KRAS: variants seen among roughly 807,000 people sequenced by gnomAD.
KRAS encodes the protein GTPase KRas.
KRAS carries 1 observed loss-of-function variant against 21.0 expected under a neutral mutation model. The observed-to-expected ratio is 0.05, with a 90% CI of 0.02 to 0.23. The LOEUF (loss-of-function observed/expected upper bound fraction) is 0.23. Ranked by LOEUF, KRAS falls within the 10% of genes least tolerant of loss-of-function variation. The pLI, the probability that KRAS is intolerant of heterozygous loss-of-function variation, is 1.00. For synonymous variants in KRAS, 67 were observed against 72.5 expected (o/e 0.92, Z 0.39); for missense variants, 107 against 221.8 (o/e 0.48, Z 3.29).
chr12:25,212,397 A>T (rs948780104), intron 4 of KRAS, among the ~76,000 whole-genome samples: 1 of 152,206 alleles, frequency 6.6e-6, no homozygotes, highest in Non-Finnish European at 1.5e-5. Context: ...CTTATGTTGC[A>T]ATGAACTCTC....
Position 25,208,971 on chromosome 12 carries a change from A to G in KRAS, c.*824T>C, listed in dbSNP as rs61763589. 8.0e-3 allele frequency: 2,594 copies of G among 322,772 alleles called. 57 individuals carry two copies. The highest frequency in any genetic ancestry group is 0.051 in the African/African-American group (2,435 of 47,436). The allele number at this position is 322,772 out of a possible 1,614,324, so 20.0% of individuals were successfully genotyped here. On this transcript the variant is annotated 3_prime_UTR_variant, in exon 5 of 5. Transcript: ENST00000311936. ...GAGACTACATTTAATTCCTATGAGA[A>G]TTTTTTATACTTGTTAAAATCTTTT...
At chr12:25,223,349 A>G (rs1951351430) in intron 4 of KRAS, among the ~76,000 whole-genome samples, 3 of 152,130 alleles carry the variant, frequency 2.0e-5, no homozygotes, top group Admixed American at 2.0e-4. Flanking sequence ...TATTAGAATC[A>G]TGTTTTCTCA....
chr12:25,224,958 C>T (rs1253178795), intron 4 of KRAS: 1 of 152,034 alleles, frequency 6.6e-6, no homozygotes, highest in African/African-American at 2.4e-5. Context: ...TTCATACAAA[C>T]AGGTTAAATA....
At chr12:25,247,715 C>G (rs189534793) in intron 1 of KRAS, among the ~76,000 whole-genome samples, 4 of 152,148 alleles carry the variant, frequency 2.6e-5, no homozygotes, top group African/African-American at 9.7e-5. Flanking sequence ...GTCCTTTACC[C>G]TTTTAACTCC....
chr12:25,218,970 C>T (rs11047899), intron 4 of KRAS, among the ~76,000 whole-genome samples: 74,079 of 148,064 alleles, frequency 0.5, 19,240 homozygotes, highest in East Asian at 0.8. Context: ...GATGGAGTCT[C>T]GCTCTGCCGC....
chr12:25,210,404 C>G (rs1301514894), intron 4 of KRAS, among the ~76,000 whole-genome samples: 1 of 152,016 alleles, frequency 6.6e-6, no homozygotes, highest in Non-Finnish European at 1.5e-5. Context: ...TAAAAATTTA[C>G]CAAGAAGTAA....
At chr12:25,241,013 T>A (rs1341460745) in intron 2 of KRAS, among the ~76,000 whole-genome samples, 1 of 152,132 alleles carries the variant, frequency 6.6e-6, no homozygotes, top group Non-Finnish European at 1.5e-5. Context: ...TTGGACTCCA[T>A]TAAGCAGCTC....
At chr12:25,237,656 T>G (rs1204988297) in intron 2 of KRAS, among the ~76,000 whole-genome samples, 2 of 152,174 alleles carry the variant, frequency 1.3e-5, no homozygotes, top group Non-Finnish European at 2.9e-5. Context: ...AACTACTTTA[T>G]CTCACATCTT....
At chr12:25,215,479 G>C (rs374681135) in intron 4 of KRAS, 1 of 1,611,328 alleles carries the variant, frequency 6.2e-7, no homozygotes. Context: ...ACACAGCCAG[G>C]AGTCTTTTCT....
rs551821343 is a variant in KRAS at position 25,232,541 on chromosome 12, T to C, written c.112-5129A>G. 4.5e-4 allele frequency among the ~76,000 whole-genome samples: 69 copies of C among 152,328 alleles called. No individual in the cohort carries two copies. The South Asian group carries it at 6.8e-3, about 15-fold the overall frequency. ...ATTCTGTAATGAAACTAGTTAATAA[T>C]GGAGCAAAGACAAGGATGAAGGTGT... On this transcript the variant is annotated intron_variant, in intron 2 of 4. Transcript: ENST00000311936.
At chr12:25,244,044 A>G (rs1951645016) in intron 2 of KRAS, among the ~76,000 whole-genome samples, 1 of 152,158 alleles carries the variant, frequency 6.6e-6, no homozygotes, top group Non-Finnish European at 1.5e-5. Context: ...TTTCCTTATG[A>G]TTAGTTATCT....
intron 4 of KRAS, chr12:25,215,604 A>G (rs771380925): frequency 2.0e-6 from 3 of 1,525,554 alleles, no homozygotes; most frequent in East Asian, 4.5e-5. Context: ...TTGCATTGGT[A>G]AGAGTAATTT....
At chr12:25,247,963 G>C (rs2135810327) in intron 1 of KRAS, among the ~76,000 whole-genome samples, 1 of 151,958 alleles carries the variant, frequency 6.6e-6, no homozygotes, top group East Asian at 1.9e-4. Flanking sequence ...TTAAAAAATT[G>C]TTTTAATTTC....
chr12:25,214,711 T>G (rs925600981), intron 4 of KRAS, among the ~76,000 whole-genome samples: 5 of 152,162 alleles, frequency 3.3e-5, no homozygotes, highest in African/African-American at 1.2e-4. Flanking sequence ...CTTTAAAGTG[T>G]ATCTCTCCGG....
chr12:25,218,169 AC>A (rs1377472489), intron 4 of KRAS, among the ~76,000 whole-genome samples: 1 of 152,054 alleles, frequency 6.6e-6, no homozygotes, highest in Non-Finnish European at 1.5e-5. Context: ...ACACACACAA[AC>A]CAGGTAAAAG....
chr12:25,237,508 T>C (rs1028226139), intron 2 of KRAS, among the ~76,000 whole-genome samples: 3 of 152,158 alleles, frequency 2.0e-5, no homozygotes, highest in Admixed American at 1.3e-4. Context: ...GTTGTCCTGG[T>C]GGATATGACC....
intron 2 of KRAS, among the ~76,000 whole-genome samples, chr12:25,235,706 G>A (rs1448285047): frequency 6.6e-6 from 1 of 152,170 alleles, no homozygotes; most frequent in Non-Finnish European, 1.5e-5. Flanking sequence ...CAAACAGAAT[G>A]TAAAAAACAT....
chr12:25,245,213 C>G, intron 2 of KRAS, 61 bp downstream of exon 2: 1 of 1,518,138 alleles, frequency 6.6e-7, no homozygotes. Flanking sequence ...GTCAGAGAAA[C>G]CTTTATCTGT....
intron 2 of KRAS, among the ~76,000 whole-genome samples, chr12:25,229,093 C>T (rs189290562): frequency 6.6e-6 from 1 of 151,824 alleles, no homozygotes. Flanking sequence ...AAGAAAACTA[C>T]CATGGTAAAC....
Sources: gnomAD v4.1 joint callset for allele counts (sites outside exome capture counted in the v4.1 genomes callset) on GRCh38, gnomAD v4.1.1 for gene constraint, MANE v1.5 for transcripts, NCBI Gene and HGNC (gene_info 2026-07-23, HGNC 2026-07-21) for gene names.